PPP2R2C: variants seen among roughly 807,000 people sequenced by gnomAD.
PPP2R2C encodes protein phosphatase 2, regulatory subunit B, gamma.
In PPP2R2C, 10 loss-of-function variants were observed where a neutral mutation model predicts 45.3. That is an observed-to-expected ratio of 0.22 (90% CI 0.14 to 0.37). PPP2R2C has a LOEUF of 0.37. Among genes scored for constraint, PPP2R2C ranks in the 10% least tolerant of loss-of-function variants. PPP2R2C has a pLI of 1.00. For synonymous variants in PPP2R2C, 257 were observed against 245.4 expected (o/e 1.05, Z -0.44); for missense variants, 308 against 619.7 (o/e 0.50, Z 5.34).
At chr4:6,530,917 A>C (rs1724375630) in intron 2 of PPP2R2C, among the ~76,000 whole-genome samples, 1 of 152,106 alleles carries the variant, frequency 6.6e-6, no homozygotes, top group Non-Finnish European at 1.5e-5. Flanking sequence ...TGAGGCCCCA[A>C]ATGTTGACCA....
chr4:6,514,353 T>C (rs1209120472), intron 2 of PPP2R2C, among the ~76,000 whole-genome samples: 1 of 152,240 alleles, frequency 6.6e-6, no homozygotes, highest in East Asian at 1.9e-4. Context: ...CAGGTATTTG[T>C]ACATCTATCC....
chr4:6,469,955 T>C (rs557714399), intron 1 of PPP2R2C, among the ~76,000 whole-genome samples: 133 of 152,334 alleles, frequency 8.7e-4, no homozygotes, highest in Non-Finnish European at 1.5e-3. Flanking sequence ...GGCCAGGCCT[T>C]GGTTTGTTCA....
chr4:6,443,981 G>A (rs532895869), intron 1 of PPP2R2C, among the ~76,000 whole-genome samples: 4 of 152,298 alleles, frequency 2.6e-5, no homozygotes, highest in South Asian at 2.1e-4. Context: ...CCCTGACTGC[G>A]AGAGAGCTTG....
At chr4:6,470,188 G>A (rs924601956) in intron 1 of PPP2R2C, among the ~76,000 whole-genome samples, 2 of 152,190 alleles carry the variant, frequency 1.3e-5, no homozygotes, top group Non-Finnish European at 2.9e-5. Context: ...AGACCTCAAG[G>A]TCATATAGCT....
rs76891089 is a variant in PPP2R2C, at chr4:6,467,201, C to T, written c.70+4959G>A. On this transcript the variant is annotated intron_variant, in intron 1 of 8. Transcript: ENST00000382599. ...TCTGAACAGTCCACATCTTGATTTT[C>T]AAAAGTCAAAGGCTGACTCTCCCTA... Among the ~76,000 whole-genome samples the T allele has an allele frequency of 1.4e-4, 22 of 152,284 alleles. No homozygotes were observed. In the East Asian group the frequency reaches 4.2e-3, roughly 29 times the overall value.
At chr4:6,454,049 G>A (rs894102363) in intron 1 of PPP2R2C, among the ~76,000 whole-genome samples, 1 of 152,188 alleles carries the variant, frequency 6.6e-6, no homozygotes, top group African/African-American at 2.4e-5. Context: ...GGATGTTTTT[G>A]CATTTTTTAA....
At chr4:6,421,496 C>T (rs1162247556) in intron 1 of PPP2R2C, among the ~76,000 whole-genome samples, 1 of 152,132 alleles carries the variant, frequency 6.6e-6, no homozygotes, top group Non-Finnish European at 1.5e-5. Flanking sequence ...CCGGAAGTGC[C>T]GCTCTAGATA....
chr4:6,428,766 G>C (rs889485843), intron 1 of PPP2R2C, among the ~76,000 whole-genome samples: 3 of 152,250 alleles, frequency 2.0e-5, no homozygotes, highest in Admixed American at 2.0e-4. Flanking sequence ...AAAAACAGCT[G>C]TGCAAACTGG....
intron 1 of PPP2R2C, among the ~76,000 whole-genome samples, chr4:6,470,877 G>C (rs1323599237): frequency 6.6e-6 from 1 of 151,900 alleles, no homozygotes; most frequent in Admixed American, 6.6e-5. Context: ...CGCCGGGAGC[G>C]GGCGCGGCCC....
chr4:6,323,578 C>T lies in PPP2R2C; in HGVS notation c.1068G>A (p.Gly356=). ...WNGSDSVIMT[G]AYNNFFRMFD... is the part of the protein sequence containing the mutation. ...ACATGCGGAAGAAGTTGTTGTAGGC[C>T]CCGGTCATGATGACGCTGGTGGGAG... The change falls in exon 9 of 9, where the codon GGG becomes GGA. Residue 356 remains glycine (G), a synonymous_variant. Transcript: ENST00000382599. 6.4e-7 allele frequency: 1 copy of T among 1,562,292 alleles called. No homozygotes were observed. Among genetic ancestry groups the T allele is most frequent in the South Asian group, 1.2e-5 (1 of 84,190 alleles).
intron 1 of PPP2R2C, among the ~76,000 whole-genome samples, chr4:6,535,845 G>A (rs1050383116): frequency 2.0e-5 from 3 of 152,166 alleles, no homozygotes; most frequent in Admixed American, 6.5e-5. Context: ...CTGAGCCTGC[G>A]GATGAGAGCA....
At chr4:6,481,455 C>A (rs1027379382) in intron 2 of PPP2R2C, among the ~76,000 whole-genome samples, 1 of 152,158 alleles carries the variant, frequency 6.6e-6, no homozygotes, top group Non-Finnish European at 1.5e-5. Context: ...CTTTTCTATA[C>A]GAAGTTCCCA....
At chr4:6,456,337 A>T (rs1721035390) in intron 1 of PPP2R2C, among the ~76,000 whole-genome samples, 1 of 135,808 alleles carries the variant, frequency 7.4e-6, no homozygotes, top group Non-Finnish European at 1.6e-5. Flanking sequence ...TACTGTCTAC[A>T]CGTTCAAACG....
upstream of PPP2R2C, among the ~76,000 whole-genome samples, chr4:6,475,456 T>A (rs982669157): frequency 5.9e-5 from 9 of 152,078 alleles, no homozygotes; most frequent in African/African-American, 2.2e-4. Flanking sequence ...GCCAAAAGGG[T>A]ACAGCTACAC....
rs547383959 is a variant in PPP2R2C at position 6,323,509 on chromosome 4, C to T, written c.1137G>A (p.Arg379=). Residue 379 remains arginine (R), a synonymous_variant, in exon 9 of 9, where the codon AGG becomes AGA. Coordinates refer to ENST00000382599, the MANE Select transcript of PPP2R2C (RefSeq NM_020416.4). ...TKRDVTLEAS[R]ESSKPRAVLK... is the part of the protein sequence containing the mutation. ...GCACAGCCCGGGGCTTGCTGCTTTC[C>T]CTCGAGGCCTCCAGGGTCACGTCCC... is the stretch of plus-strand genomic sequence containing the variant. The T allele has an allele frequency of 1.5e-5, 24 of 1,606,540 alleles. No individual in the cohort carries two copies. The East Asian group carries it at 5.2e-4, about 35-fold the overall frequency.
intron 2 of PPP2R2C, among the ~76,000 whole-genome samples, chr4:6,480,533 T>A (rs1241344811): frequency 6.6e-6 from 1 of 152,244 alleles, no homozygotes; most frequent in Non-Finnish European, 1.5e-5. Context: ...ATACCATTAA[T>A]GTATTATTTC....
intron 1 of PPP2R2C, among the ~76,000 whole-genome samples, chr4:6,469,310 A>C (rs1721740768): frequency 6.6e-6 from 1 of 152,142 alleles, no homozygotes; most frequent in Admixed American, 6.5e-5. Flanking sequence ...GGCAACAGCC[A>C]TTGCAAACGC....
intron 1 of PPP2R2C, among the ~76,000 whole-genome samples, chr4:6,431,102 C>T (rs1318064494): frequency 6.6e-6 from 1 of 152,186 alleles, no homozygotes; most frequent in Non-Finnish European, 1.5e-5. Flanking sequence ...GTTCTGCCTG[C>T]AAGCCCAAGG....
chr4:6,535,121 AG>A (rs1177785221), intron 2 of PPP2R2C: 39 of 888,186 alleles, frequency 4.4e-5, no homozygotes, highest in Non-Finnish European at 6.0e-5. Context: ...TCGGGGGCCC[AG>A]GGGCCAGAGC....
Sources: gnomAD v4.1 joint callset for allele counts (sites outside exome capture counted in the v4.1 genomes callset) on GRCh38, gnomAD v4.1.1 for gene constraint, MANE v1.5 for transcripts, NCBI Gene and HGNC (gene_info 2026-07-23, HGNC 2026-07-21) for gene names.